Variants in RABGAP1 observed in about 807,000 individuals in gnomAD.
The protein encoded by RABGAP1 is RAB GTPase activating protein 1.
Under a neutral mutation model 137.6 loss-of-function variants are expected in RABGAP1, and 23 were observed. That is an observed-to-expected ratio of 0.17 (90% CI 0.12 to 0.24). RABGAP1 has a LOEUF of 0.24. Among genes scored for constraint, RABGAP1 ranks in the 10% least tolerant of loss-of-function variants. The pLI, the probability that RABGAP1 is intolerant of heterozygous loss-of-function variation, is 1.00. For synonymous variants in RABGAP1, 451 were observed against 450.7 expected, an observed-to-expected ratio of 1.00 and a Z score of -0.01; for missense variants, 906 against 1,275.8, an observed-to-expected ratio of 0.71 and a Z score of 4.42.
At chr9:123,100,382 G>GGTGTGTGTGT (rs1431572035) in intron 24 of RABGAP1, among the ~76,000 whole-genome samples, 1 of 130,278 alleles carries the variant, frequency 7.7e-6, no homozygotes, top group Non-Finnish European at 1.6e-5. Flanking sequence ...TGTTTAACCA[G>GGTGTGTGTGT]ATGTGTGTGT....
chr9:122,989,224 C>T (rs1836535550), intron 4 of RABGAP1, 73 bp from the exon 5 acceptor site: 2 of 1,359,504 alleles, frequency 1.5e-6, no homozygotes, highest in African/African-American at 2.9e-5. Flanking sequence ...GAATGAGTCT[C>T]ACATCTTAAT....
At chr9:123,020,828 C>T in intron 13 of RABGAP1, 2 of 691,138 alleles carry the variant, frequency 2.9e-6, no homozygotes, top group Non-Finnish European at 3.6e-6. Flanking sequence ...AGGCTTAGTT[C>T]TTCTTAATTC....
chr9:123,026,341 AT>A (rs2031968661), intron 13 of RABGAP1, among the ~76,000 whole-genome samples: 1 of 152,204 alleles, frequency 6.6e-6, no homozygotes, highest in African/African-American at 2.4e-5. Flanking sequence ...ATTGTGTTTA[AT>A]TTAAGTGGTT....
intron 2 of RABGAP1, among the ~76,000 whole-genome samples, chr9:122,970,219 AT>A (rs1278214800): frequency 1.3e-5 from 2 of 151,904 alleles, no homozygotes; most frequent in East Asian, 3.9e-4. Flanking sequence ...AGGTCCTGGA[AT>A]TTTTCTTTGT....
Position 123,100,383 on chromosome 9 carries a change from A to ATGTGTGTG in RABGAP1, c.2889+882_2889+889dup, listed in dbSNP as rs56811028. 2.1e-3 allele frequency among the ~76,000 whole-genome samples: 286 copies of ATGTGTGTG among 136,568 alleles called. 6 individuals carry two copies. Among genetic ancestry groups the ATGTGTGTG allele is most frequent in the East Asian group, 8.9e-3 (39 of 4,374 alleles). 89.6% of individuals were successfully genotyped at this position (136,568 alleles called of 152,430 possible). A position where few individuals can be genotyped will look rare whatever the true frequency, so the allele number is the denominator to read the frequency against. On this transcript the variant is annotated intron_variant, in intron 24 of 25. Transcript: ENST00000373647. ...TTCGTCATAATTAATGTTTAACCAG[A>ATGTGTGTG]TGTGTGTGTGTGTGTGTGTGTGTGT...
chr9:123,024,379 A>G (rs188732384), intron 13 of RABGAP1, among the ~76,000 whole-genome samples: 2 of 152,176 alleles, frequency 1.3e-5, no homozygotes, highest in South Asian at 2.1e-4. Context: ...TATCCCAACC[A>G]GTATTAGTTG....
intron 13 of RABGAP1, among the ~76,000 whole-genome samples, chr9:123,049,803 T>C (rs1440111600): frequency 6.6e-6 from 1 of 152,240 alleles, no homozygotes; most frequent in Non-Finnish European, 1.5e-5. Flanking sequence ...ATCTCAAGTC[T>C]GTTGAGAAAG....
chr9:122,979,757 C>T (rs1235365093), intron 2 of RABGAP1, among the ~76,000 whole-genome samples: 1 of 152,210 alleles, frequency 6.6e-6, no homozygotes, highest in African/African-American at 2.4e-5. Flanking sequence ...TGTTGAAAAT[C>T]AGTTGGCCAT....
At chr9:122,965,170 T>G (rs937994829) in intron 2 of RABGAP1, among the ~76,000 whole-genome samples, 3 of 152,202 alleles carry the variant, frequency 2.0e-5, no homozygotes, top group African/African-American at 7.2e-5. Flanking sequence ...AAAATACTGA[T>G]ACATGCTACT....
intron 1 of RABGAP1, among the ~76,000 whole-genome samples, chr9:122,946,631 T>G (rs1833964072): frequency 6.6e-6 from 1 of 152,216 alleles, no homozygotes; most frequent in Admixed American, 6.5e-5. Context: ...CAGGGATAGC[T>G]TCTATTGTGG....
chr9:123,019,607 T>G (rs1361719763), intron 12 of RABGAP1, among the ~76,000 whole-genome samples: 1 of 152,190 alleles, frequency 6.6e-6, no homozygotes, highest in Non-Finnish European at 1.5e-5. Context: ...CACCATGCCC[T>G]GCTGACCACT....
chr9:122,940,556 G>A (rs911690286), upstream of RABGAP1, among the ~76,000 whole-genome samples: 1 of 152,212 alleles, frequency 6.6e-6, no homozygotes, highest in Non-Finnish European at 1.5e-5. Flanking sequence ...CACAATCCCT[G>A]ACACACCGTG....
intron 24 of RABGAP1, among the ~76,000 whole-genome samples, chr9:123,101,354 T>C (rs555764882): frequency 4.7e-4 from 71 of 152,298 alleles, no homozygotes; most frequent in African/African-American, 1.6e-3. Flanking sequence ...GATTACTGAA[T>C]CAAGACAATG....
rs1416395402 is a variant in RABGAP1, at chr9:122,984,474, G to A, written c.151-11G>A. On this transcript the variant is annotated splice_polypyrimidine_tract_variant and intron_variant, in intron 2 of 25. Coordinates refer to ENST00000373647, the MANE Select transcript of RABGAP1 (RefSeq NM_012197.4). ...GTCACTTTGCTGATTGCATGTATTT[G>A]TGACCCTTAGATTGTAGGGAATGGA... 6.2e-7 allele frequency: 1 copy of A among 1,608,550 alleles called. No homozygotes were observed. Among genetic ancestry groups the A allele is most frequent in the Admixed American group, 1.7e-5 (1 of 59,444 alleles).
Position 122,987,695 on chromosome 9 carries a change from A to G in RABGAP1, c.590+1276A>G, listed in dbSNP as rs535332193. On this transcript the variant is annotated intron_variant, in intron 4 of 25. Transcript: ENST00000373647. The stretch of plus-strand genomic sequence containing the variant: ...AAGGCTTTTATCTTTCAGAGAAAAA[A>G]GCATGAATGATGATAGCTAGTTTTA... Among the ~76,000 whole-genome samples, 4 of 152,320 alleles carry G rather than the reference A, an allele frequency of 2.6e-5. No homozygotes were observed. The East Asian group carries it at 7.7e-4, about 29-fold the overall frequency.
intron 10 of RABGAP1, among the ~76,000 whole-genome samples, chr9:123,002,077 G>A (rs769654819): frequency 9.9e-5 from 15 of 152,060 alleles, no homozygotes; most frequent in South Asian, 2.1e-4. Context: ...CGAGGCTGGC[G>A]GATCACCTGA....
intron 13 of RABGAP1, among the ~76,000 whole-genome samples, chr9:123,046,007 A>G (rs1446212045): frequency 6.6e-6 from 1 of 152,194 alleles, no homozygotes; most frequent in African/African-American, 2.4e-5. Flanking sequence ...CATCAGAGGA[A>G]AGGCCTTGGG....
intron 1 of RABGAP1, chr9:122,945,388 C>G (rs1388267841): frequency 6.6e-6 from 1 of 151,954 alleles, no homozygotes; most frequent in Non-Finnish European, 1.5e-5. Context: ...ACAATGTGGC[C>G]TGAAAGTTTC....
chr9:122,979,244 A>G (rs920747182), intron 2 of RABGAP1, among the ~76,000 whole-genome samples: 5 of 151,948 alleles, frequency 3.3e-5, no homozygotes, highest in East Asian at 1.9e-4. Flanking sequence ...TATAATTTCT[A>G]TTTCCCTGAT....
Sources: gnomAD v4.1 joint callset for allele counts (sites outside exome capture counted in the v4.1 genomes callset) on GRCh38, gnomAD v4.1.1 for gene constraint, MANE v1.5 for transcripts, NCBI Gene and HGNC (gene_info 2026-07-23, HGNC 2026-07-21) for gene names.